The following FER variants were observed in gnomAD, a reference collection of about 807,000 sequenced individuals.
FER encodes the protein tyrosine-protein kinase Fer.
FER carries 63 observed loss-of-function variants against 111.0 expected under a neutral mutation model. That is an observed-to-expected ratio of 0.57 (90% CI 0.46 to 0.70). The LOEUF (loss-of-function observed/expected upper bound fraction) is 0.70. FER is among the 30% of genes least tolerant of loss of function. The pLI is 0.00. For synonymous variants in FER, 327 were observed against 313.9 expected (o/e 1.04, Z -0.44); for missense variants, 914 against 954.0 (o/e 0.96, Z 0.55).
intron 1 of FER, among the ~76,000 whole-genome samples, chr5:108,749,912 T>G (rs1367081928): frequency 2.0e-5 from 3 of 152,240 alleles, no homozygotes; most frequent in African/African-American, 7.2e-5. Flanking sequence ...GGGCACTTTG[T>G]ACGTTTGCGA....
intron 1 of FER, among the ~76,000 whole-genome samples, chr5:108,758,651 A>T (rs1751385346): frequency 6.6e-6 from 1 of 152,126 alleles, no homozygotes; most frequent in African/African-American, 2.4e-5. Context: ...TCATTTCCCC[A>T]TCCCTGATCC....
At chr5:108,869,142 T>C (rs1347184097) in intron 6 of FER, among the ~76,000 whole-genome samples, 1 of 152,142 alleles carries the variant, frequency 6.6e-6, no homozygotes, top group Admixed American at 6.6e-5. Context: ...AAATGATAAT[T>C]TCTAAAACAA....
intron 5 of FER, among the ~76,000 whole-genome samples, chr5:108,846,130 C>A (rs1762003956): frequency 6.6e-6 from 1 of 152,148 alleles, no homozygotes. Context: ...ACCTTCTCAC[C>A]AATTTTCTAG....
intron 16 of FER, 71 bp downstream of exon 16, chr5:109,047,269 C>A: frequency 1.1e-6 from 1 of 871,074 alleles, no homozygotes; most frequent in Non-Finnish European, 1.8e-6. Context: ...TATGTTCGAT[C>A]TCTTTGATTT....
Position 108,909,897 on chromosome 5 carries a change from A to G in FER, c.1236+12049A>G, listed in dbSNP as rs776706275. On this transcript the variant is annotated intron_variant, in intron 10 of 19. Transcript: ENST00000281092. ...TTAAACTTATGCTACATAAAGAGGAAATTTCAGATGTATTAAATACTCAAA... is the reference window on the plus strand; with the variant it reads ...TTAAACTTATGCTACATAAAGAGGAGATTTCAGATGTATTAAATACTCAAA... Among the ~76,000 whole-genome samples the G allele has an allele frequency of 3.7e-4, 56 of 151,744 alleles. 2 individuals carry two copies. The Middle Eastern group carries it at 0.01, about 28-fold the overall frequency.
At chr5:109,165,802 G>GT (rs1756496711) in intron 17 of FER, among the ~76,000 whole-genome samples, 1 of 152,172 alleles carries the variant, frequency 6.6e-6, no homozygotes, top group African/African-American at 2.4e-5. Context: ...TAGTATTAAA[G>GT]TAAGGTGGAA....
intron 13 of FER, among the ~76,000 whole-genome samples, chr5:109,009,196 T>G (rs1765912770): frequency 6.6e-6 from 1 of 151,698 alleles, no homozygotes; most frequent in Admixed American, 6.6e-5. Flanking sequence ...CCACCATGCC[T>G]GGCTAATTTT....
chr5:109,137,861 C>T (rs1426477726), intron 17 of FER, among the ~76,000 whole-genome samples: 1 of 152,188 alleles, frequency 6.6e-6, no homozygotes, highest in African/African-American at 2.4e-5. Flanking sequence ...ATGGTTAATT[C>T]TAATCTTTTT....
At position 108,815,748 on chromosome 5, in the gene FER, G is replaced by A. The variant is rs572975324; in HGVS notation, c.208-17022G>A. ...TTGGTGATGTTACATATACCACATA[G>A]GAATAAAAAGTAATGAAAAATGCTT... On this transcript the variant is annotated intron_variant, in intron 3 of 19. Transcript: ENST00000281092. Among the ~76,000 whole-genome samples, 104 of 152,174 alleles carry A rather than the reference G, an allele frequency of 6.8e-4. 1 individual carries two copies. Among genetic ancestry groups the A allele is most frequent in the African/African-American group, 2.5e-3 (102 of 41,540 alleles).
At chr5:108,850,122 G>A (rs1762411017) in intron 5 of FER, among the ~76,000 whole-genome samples, 1 of 151,800 alleles carries the variant, frequency 6.6e-6, no homozygotes. Flanking sequence ...TTGAACCTGG[G>A]AGGTGGAGGT....
At chr5:109,150,008 G>A (rs1295664794) in intron 17 of FER, among the ~76,000 whole-genome samples, 1 of 152,070 alleles carries the variant, frequency 6.6e-6, no homozygotes. Flanking sequence ...GAGAGATCTA[G>A]GTTGCGCACT....
At chr5:108,926,545 A>G (rs1177313013) in intron 10 of FER, among the ~76,000 whole-genome samples, 13 of 152,218 alleles carry the variant, frequency 8.5e-5, no homozygotes, top group Non-Finnish European at 1.6e-4. Context: ...TTCAACAAGT[A>G]CATACTTAAT....
In FER at chr5:108,909,265, CCT is replaced by C. The variant is rs1491469307; in HGVS notation, c.1236+11418_1236+11419del. On this transcript the variant is annotated intron_variant, in intron 10 of 19. Transcript: ENST00000281092. ...ATTTGGTACCAGATGAATTTTAAAT[CCT>C]TTTTTTTATTATAGTATTGTGCAGA... 2.4e-4 allele frequency among the ~76,000 whole-genome samples: 36 copies of C among 152,034 alleles called. No individual in the cohort carries two copies. In the South Asian group the frequency reaches 7.3e-3, roughly 31 times the overall value.
intron 16 of FER, among the ~76,000 whole-genome samples, chr5:109,096,462 G>A (rs777293248): frequency 6.6e-5 from 10 of 151,840 alleles, no homozygotes; most frequent in African/African-American, 2.4e-5. Flanking sequence ...TGGCTCAGGC[G>A]TGTCACCAAT....
chr5:109,179,664 T>G (rs184605205), intron 17 of FER, among the ~76,000 whole-genome samples: 3 of 152,312 alleles, frequency 2.0e-5, no homozygotes, highest in East Asian at 3.9e-4. Flanking sequence ...CATACAAACT[T>G]CCTTGTCATC....
At chr5:109,071,862 CTG>C in intron 16 of FER, among the ~76,000 whole-genome samples, 1 of 151,564 alleles carries the variant, frequency 6.6e-6, no homozygotes, top group Non-Finnish European at 1.5e-5. Context: ...AAGCCATTAA[CTG>C]TGAAAAGCTT....
chr5:109,056,732 A>C (rs1773698332), intron 16 of FER, among the ~76,000 whole-genome samples: 2 of 152,290 alleles, frequency 1.3e-5, no homozygotes, highest in Admixed American at 1.3e-4. Context: ...TTGTCACACA[A>C]AAAAATGGGT....
chr5:108,935,103 T>G (rs554646532), intron 10 of FER, among the ~76,000 whole-genome samples: 1 of 152,234 alleles, frequency 6.6e-6, no homozygotes, highest in Admixed American at 6.5e-5. Context: ...CAGTGATTCT[T>G]TCTCAGCTAT....
intron 5 of FER, among the ~76,000 whole-genome samples, chr5:108,860,438 A>G (rs1763406763): frequency 6.6e-6 from 1 of 152,258 alleles, no homozygotes; most frequent in Non-Finnish European, 1.5e-5. Context: ...ATCAGAAACT[A>G]AAATTTAGAT....
Sources: gnomAD v4.1 joint callset for allele counts (sites outside exome capture counted in the v4.1 genomes callset) on GRCh38, gnomAD v4.1.1 for gene constraint, MANE v1.5 for transcripts, NCBI Gene and HGNC (gene_info 2026-07-23, HGNC 2026-07-21) for gene names.